Variants in SIRPD observed in about 807,000 individuals in gnomAD.
The protein encoded by SIRPD is signal regulatory protein delta.
Under a neutral mutation model 18.0 loss-of-function variants are expected in SIRPD, and 21 were observed. That is an observed-to-expected ratio of 1.17 (90% CI 0.83 to 1.68). The LOEUF (loss-of-function observed/expected upper bound fraction) is 1.68. SIRPD is among the 40% of genes most tolerant of loss of function. The probability of loss-of-function intolerance (pLI) is 0.00; values close to 1 mark genes in which losing one functional copy is unlikely to be tolerated. For synonymous variants in SIRPD, 106 were observed against 92.9 expected (o/e 1.14, Z -0.81); for missense variants, 295 against 238.4 (o/e 1.24, Z -1.56).
Position 1,552,006 on chromosome 20 carries a change from C to T in SIRPD, c.106G>A (p.Glu36Lys), listed in dbSNP as rs1177100156. The change falls in exon 2 of 4, where the codon GAG becomes AAG. Residue 36 changes from glutamate (E) to lysine (K), a missense_variant. Transcript: ENST00000381623. ...CCAGTTGATACAGTCTGTGACATCT[C>T]CGTTTGTTGCACATGGAACACATGT... ...VTHVFHVQQT[E>K]MSQTVSTGES... 6.2e-7 allele frequency: 1 copy of T among 1,613,866 alleles called. No individual in the cohort carries two copies. The highest frequency in any genetic ancestry group is 8.5e-7 in the Non-Finnish European group (1 of 1,179,894).
intron 3 of SIRPD, among the ~76,000 whole-genome samples, chr20:1,536,771 C>T (rs1320957758): frequency 6.6e-6 from 1 of 152,032 alleles, no homozygotes; most frequent in Admixed American, 6.6e-5. Flanking sequence ...TCCTGGGGAC[C>T]AAGGGGTCAA....
intron 3 of SIRPD, among the ~76,000 whole-genome samples, chr20:1,536,683 T>C (rs2090947013): frequency 6.6e-6 from 1 of 152,190 alleles, no homozygotes; most frequent in African/African-American, 2.4e-5. Flanking sequence ...TCTATCTACC[T>C]ATCTATCTAT....
intron 3 of SIRPD, among the ~76,000 whole-genome samples, chr20:1,535,275 A>C (rs2090940489): frequency 6.6e-6 from 1 of 152,220 alleles, no homozygotes; most frequent in African/African-American, 2.4e-5. Context: ...GAAGAGGTCA[A>C]AGTAAGAGCT....
intron 3 of SIRPD, 59 bp from the exon 4 acceptor site, chr20:1,534,500 C>G: frequency 1.3e-6 from 2 of 1,505,270 alleles, no homozygotes; most frequent in Non-Finnish European, 1.8e-6. Context: ...AAGCTAAGAG[C>G]AGACACAATT....
At chr20:1,537,044 G>A (rs975007806) in intron 3 of SIRPD, 111 bp downstream of exon 3, 4 of 1,278,418 alleles carry the variant, frequency 3.1e-6, no homozygotes, top group Non-Finnish European at 4.4e-6. Context: ...AAAGAAAGAG[G>A]CCCTAGGACA....
At chr20:1,549,626 G>T (rs1432173584) in intron 2 of SIRPD, among the ~76,000 whole-genome samples, 1 of 151,896 alleles carries the variant, frequency 6.6e-6, no homozygotes, top group East Asian at 1.9e-4. Context: ...GTGGGTTTTG[G>T]TTCAAATATC....
At chr20:1,537,654 C>T (rs915527556) in intron 2 of SIRPD, among the ~76,000 whole-genome samples, 34 of 152,162 alleles carry the variant, frequency 2.2e-4, no homozygotes, top group African/African-American at 7.5e-4. Flanking sequence ...TGCAGCTAGT[C>T]AGGAGGAGGG....
intron 2 of SIRPD, among the ~76,000 whole-genome samples, chr20:1,538,440 A>C (rs575954524): frequency 6.6e-6 from 1 of 152,108 alleles, no homozygotes; most frequent in Non-Finnish European, 1.5e-5. Flanking sequence ...GACAGATTCT[A>C]TTTTCTAGAG....
chr20:1,551,111 T>G (rs2091017019), intron 2 of SIRPD, among the ~76,000 whole-genome samples: 2 of 152,226 alleles, frequency 1.3e-5, no homozygotes, highest in African/African-American at 4.8e-5. Flanking sequence ...AGGAGATGTT[T>G]TCTTTCACAT....
intron 3 of SIRPD, among the ~76,000 whole-genome samples, chr20:1,534,842 G>C (rs1385082081): frequency 6.6e-6 from 1 of 152,130 alleles, no homozygotes; most frequent in Admixed American, 6.5e-5. Context: ...TTGGGAAATG[G>C]CTTTTGAAAC....
chr20:1,547,330 GAC>G (rs1394151023), intron 2 of SIRPD, among the ~76,000 whole-genome samples: 1 of 152,134 alleles, frequency 6.6e-6, no homozygotes, highest in Non-Finnish European at 1.5e-5. Flanking sequence ...CTTGTTTCTG[GAC>G]TCTCTCTTTT....
Position 1,534,264 on chromosome 20 carries a change from A to G in SIRPD, c.*161T>C. On this transcript the variant is annotated 3_prime_UTR_variant, in exon 4 of 4. Coordinates refer to ENST00000381623, the MANE Select transcript of SIRPD (RefSeq NM_178460.3). ...GAGAACCTGGAATTGGACCCAGGTA[A>G]ATAGACAGATTTATTGTACGATCAA... is the stretch of plus-strand genomic sequence containing the variant. The G allele has an allele frequency of 1.0e-6, 1 of 971,350 alleles. No individual in the cohort carries two copies. The highest frequency in any genetic ancestry group is 2.3e-5 in the Admixed American group (1 of 44,216). 60.2% of individuals were successfully genotyped at this position (971,350 alleles called of 1,614,324 possible). A position where few individuals can be genotyped will look rare whatever the true frequency, so the allele number is the denominator to read the frequency against.
intron 1 of SIRPD, 33 bp from the exon 2 acceptor site, chr20:1,552,071 C>T (rs773257881): frequency 3.8e-6 from 6 of 1,584,394 alleles, no homozygotes; most frequent in Non-Finnish European, 1.7e-6. Context: ...TTCTCATTTC[C>T]CCTGTTCTGG....
intron 2 of SIRPD, among the ~76,000 whole-genome samples, chr20:1,541,797 T>C (rs902244058): frequency 2.6e-5 from 4 of 152,234 alleles, no homozygotes; most frequent in African/African-American, 9.6e-5. Flanking sequence ...CTTTAATTCA[T>C]ATTGAGTTAA....
chr20:1,537,307 T>C lies in SIRPD; in HGVS notation c.425A>G (p.Gln142Arg). 1 of 1,613,564 alleles carries C rather than the reference T, an allele frequency of 6.2e-7. No individual in the cohort carries two copies. The highest frequency in any genetic ancestry group is 8.5e-7 in the Non-Finnish European group (1 of 1,179,632). ...GRGTQVFVTE[Q>R]NPRPPKNRPA... The stretch of plus-strand genomic sequence containing the variant: ...TCTGTTCTTGGGAGGTCTTGGATTC[T>C]GCTCTGCTGAGAGAGGCAAAACTAT... Residue 142 changes from glutamine (Q) to arginine (R), a missense_variant, in exon 3 of 4, where the codon CAG (glutamine) becomes CGG (arginine). Transcript: ENST00000381623.
At chr20:1,554,928 C>T (rs1235421503) in intron 1 of SIRPD, among the ~76,000 whole-genome samples, 3 of 152,160 alleles carry the variant, frequency 2.0e-5, no homozygotes, top group African/African-American at 7.2e-5. Context: ...TTCCTTAGTA[C>T]TTAATTGCTC....
At chr20:1,556,366 A>G (rs1231819783) in intron 1 of SIRPD, among the ~76,000 whole-genome samples, 1 of 152,252 alleles carries the variant, frequency 6.6e-6, no homozygotes, top group Admixed American at 6.5e-5. Flanking sequence ...GAATAAAAAG[A>G]GGAAGCTTTA....
intron 2 of SIRPD, 106 bp downstream of exon 2, chr20:1,551,585 A>G: frequency 1.2e-6 from 1 of 846,346 alleles, no homozygotes; most frequent in Non-Finnish European, 1.9e-6. Flanking sequence ...TGTATGTTGT[A>G]CCTTCAATAA....
chr20:1,548,598 C>T (rs547839271), intron 2 of SIRPD, among the ~76,000 whole-genome samples: 15 of 151,878 alleles, frequency 9.9e-5, no homozygotes, highest in African/African-American at 1.7e-4. Flanking sequence ...TGTCTGGTGT[C>T]GATATCAGGG....
Sources: gnomAD v4.1 joint callset for allele counts (sites outside exome capture counted in the v4.1 genomes callset) on GRCh38, gnomAD v4.1.1 for gene constraint, MANE v1.5 for transcripts, NCBI Gene and HGNC (gene_info 2026-07-23, HGNC 2026-07-21) for gene names.